Variants in ATR observed in about 807,000 individuals in gnomAD.
ATR encodes the protein ATR checkpoint kinase, also known as serine/threonine-protein kinase ATR.
A neutral mutation model predicts 305.3 loss-of-function variants in ATR; 142 were observed. The observed-to-expected ratio is 0.47, with a 90% confidence interval of 0.41 to 0.53. ATR has a LOEUF of 0.53. Ranked by LOEUF, ATR falls within the 20% of genes least tolerant of loss-of-function variation. The probability of loss-of-function intolerance (pLI) is 0.00; values close to 1 mark genes in which losing one functional copy is unlikely to be tolerated. For synonymous variants in ATR, 1,050 were observed against 1,068.1 expected (o/e 0.98, Z 0.33); for missense variants, 2,135 against 3,133.1 (o/e 0.68, Z 7.60).
rs2108310702 is a variant in ATR, at chr3:142,485,131, C to T, written c.6221+9G>A. 1 of 1,614,118 alleles carries T rather than the reference C, an allele frequency of 6.2e-7. No individual in the cohort carries two copies. Among genetic ancestry groups the T allele is most frequent in the Non-Finnish European group, 8.5e-7 (1 of 1,179,984 alleles). ...ATTTAATCTGCAAACATGCAGTTCT[C>T]ATACTCACCTGCCAAAATGAAGAAC... On this transcript the variant is annotated intron_variant, in intron 36 of 46. Transcript: ENST00000350721.
chr3:142,563,066 T>C lies in ATR; in HGVS notation c.336A>G (p.Ala112=). 1 of 1,601,992 alleles carries C rather than the reference T, an allele frequency of 6.2e-7. No individual in the cohort carries two copies. Among genetic ancestry groups the C allele is most frequent in the Non-Finnish European group, 8.5e-7 (1 of 1,176,848 alleles). ...WIITRLLRIA[A]TPSCHLLHKK... ...TGTGTAACAAATGACAGGAGGGAGTTGCTGCAATCCGCAGAAGTCTCGTTA... is the reference window on the plus strand; with the variant it reads ...TGTGTAACAAATGACAGGAGGGAGTCGCTGCAATCCGCAGAAGTCTCGTTA... The change falls in exon 4 of 47, where the codon GCA becomes GCG. Residue 112 remains alanine, a synonymous_variant. Coordinates refer to ENST00000350721, the MANE Select transcript of ATR (RefSeq NM_001184.4).
chr3:142,477,098 C>T (rs1019636011), intron 36 of ATR, among the ~76,000 whole-genome samples: 4 of 152,116 alleles, frequency 2.6e-5, no homozygotes, highest in Non-Finnish European at 5.9e-5. Context: ...CTTTCTCCTG[C>T]CTGATTGCCC....
chr3:142,541,632 C>T (rs113820912), intron 17 of ATR, among the ~76,000 whole-genome samples: 71 of 152,196 alleles, frequency 4.7e-4, no homozygotes, highest in African/African-American at 1.6e-3. Context: ...AAACTCTGGT[C>T]GACTTTATAT....
At chr3:142,457,826 T>A in intron 44 of ATR, 71 bp from the exon 45 acceptor site, 1 of 1,551,570 alleles carries the variant, frequency 6.4e-7, no homozygotes, top group Non-Finnish European at 8.8e-7. Flanking sequence ...AAGAACTTCA[T>A]GTCCAGATTC....
chr3:142,569,703 G>A (rs1161749005), intron 1 of ATR, among the ~76,000 whole-genome samples: 1 of 151,662 alleles, frequency 6.6e-6, no homozygotes, highest in East Asian at 1.9e-4. Context: ...CTGGAGTGCA[G>A]TGGCATGATC....
intron 15 of ATR, 142 bp from the exon 16 acceptor site, chr3:142,548,052 T>C (rs1352958953): frequency 4.1e-6 from 3 of 729,694 alleles, no homozygotes; most frequent in East Asian, 2.7e-5. Flanking sequence ...AGAAAAGGCA[T>C]TGGAAAAGAT....
intron 36 of ATR, among the ~76,000 whole-genome samples, chr3:142,480,499 T>TG (rs1389958378): frequency 1.3e-5 from 2 of 152,174 alleles, no homozygotes; most frequent in Admixed American, 1.3e-4. Flanking sequence ...CTGCCCCTAC[T>TG]GGGGGATGCC....
At chr3:142,480,785 G>T (rs572592727) in intron 36 of ATR, among the ~76,000 whole-genome samples, 35 of 152,334 alleles carry the variant, frequency 2.3e-4, no homozygotes, top group African/African-American at 8.4e-4. Flanking sequence ...CCTCAGCAAT[G>T]GCGGGCACTC....
intron 40 of ATR, chr3:142,465,581 C>T (rs966729510): frequency 4.3e-5 from 7 of 162,832 alleles, no homozygotes; most frequent in Admixed American, 2.5e-4. Context: ...GATCTTTCTG[C>T]GGAGCCTGAG....
At chr3:142,488,242 G>A (rs923094987) in intron 35 of ATR, among the ~76,000 whole-genome samples, 1 of 152,146 alleles carries the variant, frequency 6.6e-6, no homozygotes, top group Non-Finnish European at 1.5e-5. Context: ...TTAGCTCCCT[G>A]TACAGGTTCC....
chr3:142,575,468 CA>C (rs72100236), intron 1 of ATR, among the ~76,000 whole-genome samples: 34,975 of 121,764 alleles, frequency 0.29, 6,065 homozygotes, highest in African/African-American at 0.56. Context: ...GACTCCGTCT[CA>C]AAAAAAAAAA....
intron 46 of ATR, chr3:142,450,620 A>G (rs752575929): frequency 1.9e-6 from 3 of 1,607,724 alleles, no homozygotes; most frequent in African/African-American, 1.3e-5. Context: ...AAAGGTGGAT[A>G]TGGAAGAGTA....
rs1380208283 is a variant in ATR, at chr3:142,497,166, T to C, written c.5585A>G (p.His1862Arg). ...VRLHMLCELEHSIKPLFQHSP... is the reference protein window; with the variant it reads ...VRLHMLCELERSIKPLFQHSP... ...ATGCTGGAAAAGTGGTTTGATGCTA[T>C]GCTCCAACTCACATAACATGTGCAA... The change falls in exon 33 of 47, where the codon CAT (histidine) becomes CGT (arginine). Residue 1862 changes from histidine to arginine, a missense_variant. By Grantham distance (29) the His-to-Arg change is conservative. Transcript: ENST00000350721. The C allele has an allele frequency of 2.5e-6, 4 of 1,613,960 alleles. No homozygotes were observed. The highest frequency in any genetic ancestry group is 1.3e-5 in the African/African-American group (1 of 74,920).
At chr3:142,529,306 T>A (rs2033545820) in intron 21 of ATR, among the ~76,000 whole-genome samples, 1 of 152,166 alleles carries the variant, frequency 6.6e-6, no homozygotes, top group Non-Finnish European at 1.5e-5. Flanking sequence ...TGACTTTCTA[T>A]AACTAGTTTG....
At chr3:142,547,937 T>A (rs773986285) in intron 15 of ATR, 27 bp from the exon 16 acceptor site, 57 of 1,607,086 alleles carry the variant, frequency 3.5e-5, no homozygotes, top group Non-Finnish European at 2.0e-5. Context: ...TTAAAAAAAA[T>A]TTTTTTCTTC....
At chr3:142,553,060 A>C (rs1559988283) in intron 13 of ATR, among the ~76,000 whole-genome samples, 167 bp downstream of exon 13, 1 of 152,194 alleles carries the variant, frequency 6.6e-6, no homozygotes, top group East Asian at 1.9e-4. Flanking sequence ...CGACACGTTT[A>C]CCTATGTAGC....
intron 34 of ATR, among the ~76,000 whole-genome samples, chr3:142,495,568 C>A (rs954784932): frequency 9.2e-5 from 14 of 151,922 alleles, no homozygotes; most frequent in African/African-American, 3.4e-4. Context: ...CACGGTGAAA[C>A]CCCATCTCTA....
chr3:142,578,425 C>T (rs569413711), intron 1 of ATR, among the ~76,000 whole-genome samples: 1 of 152,360 alleles, frequency 6.6e-6, no homozygotes, highest in South Asian at 2.1e-4. Context: ...CTCTCTCCCC[C>T]ACGGACCGGC....
chr3:142,525,634 G>A (rs2033349807), intron 21 of ATR, among the ~76,000 whole-genome samples: 1 of 152,154 alleles, frequency 6.6e-6, no homozygotes. Flanking sequence ...TCACATGGGT[G>A]GATCCCTCAT....
Sources: gnomAD v4.1 joint callset for allele counts (sites outside exome capture counted in the v4.1 genomes callset) on GRCh38, gnomAD v4.1.1 for gene constraint, MANE v1.5 for transcripts, NCBI Gene and HGNC (gene_info 2026-07-23, HGNC 2026-07-21) for gene names.